PRKG1: variants seen among roughly 807,000 people sequenced by gnomAD.
The protein encoded by PRKG1 is cGMP-dependent protein kinase 1.
In PRKG1, 35 loss-of-function variants were observed where a neutral mutation model predicts 88.1. The ratio of observed to expected loss-of-function variants is 0.40; its 90% CI spans 0.30 to 0.53. PRKG1 has a LOEUF of 0.53. Ranked by LOEUF, PRKG1 falls within the 20% of genes least tolerant of loss-of-function variation. PRKG1 has a pLI of 0.59. For synonymous variants in PRKG1, 303 were observed against 292.5 expected (o/e 1.04, Z -0.37); for missense variants, 540 against 839.8 (o/e 0.64, Z 4.41).
chr10:51,060,022 A>G (rs1339667987), intron 1 of PRKG1, among the ~76,000 whole-genome samples: 1 of 152,108 alleles, frequency 6.6e-6, no homozygotes, highest in African/African-American at 2.4e-5. Context: ...TAGAATTATA[A>G]TTACTTTCAG....
intron 3 of PRKG1, among the ~76,000 whole-genome samples, chr10:51,691,586 G>A (rs1362584126): frequency 6.6e-6 from 1 of 152,180 alleles, no homozygotes; most frequent in Non-Finnish European, 1.5e-5. Context: ...AAACAGCTGG[G>A]ATTGCAGGCG....
chr10:51,821,676 T>C (rs188839185), intron 4 of PRKG1, among the ~76,000 whole-genome samples: 129 of 152,214 alleles, frequency 8.5e-4, no homozygotes, highest in African/African-American at 2.8e-3. Flanking sequence ...TTGACCTGTA[T>C]TGACCTATAT....
At chr10:52,008,795 C>T (rs72801483) in intron 5 of PRKG1, among the ~76,000 whole-genome samples, 4 of 152,164 alleles carry the variant, frequency 2.6e-5, no homozygotes, top group Non-Finnish European at 5.9e-5. Context: ...AAAATACTAG[C>T]AAAATGAATC....
intron 3 of PRKG1, among the ~76,000 whole-genome samples, chr10:51,743,457 C>A (rs565761427): frequency 4.6e-5 from 7 of 151,632 alleles, no homozygotes; most frequent in South Asian, 2.1e-4. Flanking sequence ...ATGTGATAAT[C>A]CCCAGGAGGA....
intron 5 of PRKG1, among the ~76,000 whole-genome samples, chr10:52,032,425 C>A (rs1845495808): frequency 6.6e-6 from 1 of 152,110 alleles, no homozygotes; most frequent in Non-Finnish European, 1.5e-5. Context: ...ATAATAAATA[C>A]CTCAGAGAAT....
intron 4 of PRKG1, among the ~76,000 whole-genome samples, chr10:51,812,145 C>T (rs1402781187): frequency 3.3e-5 from 5 of 152,118 alleles, no homozygotes; most frequent in African/African-American, 1.2e-4. Flanking sequence ...GGAACCATTA[C>T]AATCAACACA....
rs555034476 is a variant in PRKG1, at chr10:51,745,003, T to C, written c.593-59582T>C. On this transcript the variant is annotated intron_variant, in intron 3 of 17. Coordinates refer to ENST00000373980, the MANE Select transcript of PRKG1 (RefSeq NM_006258.4). ...TTATAGTAAAGTAGACTTTTATTAG[T>C]CCATCTTAATATAGACCTGATTAAC... Among the ~76,000 whole-genome samples, 3 of 152,346 alleles carry C rather than the reference T, an allele frequency of 2.0e-5. No individual in the cohort carries two copies. In the South Asian group the frequency reaches 6.2e-4, roughly 32 times the overall value.
intron 1 of PRKG1, among the ~76,000 whole-genome samples, chr10:51,054,659 G>A (rs933608084): frequency 2.6e-5 from 4 of 152,118 alleles, no homozygotes; most frequent in African/African-American, 9.7e-5. Flanking sequence ...GGTGTGCATA[G>A]AACAGATTTT....
chr10:51,640,616 G>GA (rs1045782593), intron 3 of PRKG1, among the ~76,000 whole-genome samples: 2 of 151,950 alleles, frequency 1.3e-5, no homozygotes, highest in South Asian at 2.1e-4. Flanking sequence ...GATGCTTCCA[G>GA]AAAAAAAATT....
intron 9 of PRKG1, among the ~76,000 whole-genome samples, chr10:52,180,877 C>T (rs1383656773): frequency 2.6e-5 from 4 of 152,052 alleles, no homozygotes; most frequent in Non-Finnish European, 4.4e-5. Context: ...TGGGGGCATG[C>T]CAGCCAGGTG....
intron 4 of PRKG1, among the ~76,000 whole-genome samples, chr10:51,884,938 T>C (rs765370074): frequency 6.6e-6 from 1 of 152,150 alleles, no homozygotes; most frequent in Non-Finnish European, 1.5e-5. Flanking sequence ...ACCATGGAGA[T>C]ATCAGTTTAC....
chr10:52,007,362 T>A (rs1210679611), intron 5 of PRKG1, among the ~76,000 whole-genome samples: 2 of 148,746 alleles, frequency 1.3e-5, no homozygotes, highest in Non-Finnish European at 3.0e-5. Context: ...GACCAAATGT[T>A]ATGCTGTCTT....
In PRKG1 at chr10:52,068,234, TACTTG is replaced by T. The variant is rs1330391445; in HGVS notation, c.935+5610_935+5614del. ...AAAAAAAAAAAAAAAAAAAGATCCC[TACTTG>T]ACTTGAAACCATATGGAATACATAT... On this transcript the variant is annotated intron_variant, in intron 7 of 17. Coordinates refer to ENST00000373980, the MANE Select transcript of PRKG1 (RefSeq NM_006258.4). 7.0e-5 allele frequency among the ~76,000 whole-genome samples: 10 copies of T among 142,108 alleles called. 1 individual carries two copies. Among genetic ancestry groups the T allele is most frequent in the Non-Finnish European group, 1.4e-4 (9 of 65,290 alleles). The allele number at this position is 142,108 out of a possible 152,430, so 93.2% of individuals were successfully genotyped here.
At chr10:51,180,001 T>C (rs531121464) in intron 2 of PRKG1, among the ~76,000 whole-genome samples, 1 of 152,356 alleles carries the variant, frequency 6.6e-6, no homozygotes, top group East Asian at 1.9e-4. Context: ...TTATTTTGTT[T>C]CATTCCTCTG....
At chr10:52,174,375 T>C (rs1838797756) in intron 9 of PRKG1, among the ~76,000 whole-genome samples, 1 of 151,880 alleles carries the variant, frequency 6.6e-6, no homozygotes, top group African/African-American at 2.4e-5. Flanking sequence ...TATCAGCTTC[T>C]TTCTTCAGGA....
intron 5 of PRKG1, among the ~76,000 whole-genome samples, chr10:51,941,125 T>A (rs12246497): frequency 0.029 from 4,220 of 148,016 alleles, 249 homozygotes; most frequent in African/African-American, 0.098. Flanking sequence ...ACAGAGCATC[T>A]TAGAATCAGT....
At chr10:52,069,572 G>T (rs764601071) in intron 7 of PRKG1, among the ~76,000 whole-genome samples, 1 of 152,014 alleles carries the variant, frequency 6.6e-6, no homozygotes, top group Non-Finnish European at 1.5e-5. Context: ...TTATAGTACA[G>T]AAATTAAGTA....
rs376337693 is a variant in PRKG1 at position 51,290,437 on chromosome 10, C to T, written c.478+137107C>T. On this transcript the variant is annotated intron_variant, in intron 2 of 17. Transcript: ENST00000373980. Reference sequence around the variant, plus strand: ...CCAGGATTTCCAAAAATATATATCACTATGATATATCAATTTTTTATTCTA... The same window carrying T: ...CCAGGATTTCCAAAAATATATATCATTATGATATATCAATTTTTTATTCTA... Among the ~76,000 whole-genome samples, 3 of 152,204 alleles carry T rather than the reference C, an allele frequency of 2.0e-5. No individual in the cohort carries two copies. The East Asian group carries it at 5.8e-4, about 29-fold the overall frequency.
rs72797350 is a variant in PRKG1 at position 51,683,695 on chromosome 10, G to C, written c.593-120890G>C. ...CACGGCTTGATCTGATTGGAACCTG[G>C]ACCCTGCCATGCAGTGTTCACTTCT... is the stretch of plus-strand genomic sequence containing the variant. On this transcript the variant is annotated intron_variant, in intron 3 of 17. Transcript: ENST00000373980. 6.5e-3 allele frequency among the ~76,000 whole-genome samples: 996 copies of C among 152,238 alleles called. 7 individuals carry two copies. Among genetic ancestry groups the C allele is most frequent in the Middle Eastern group, 0.017 (5 of 294 alleles).
Sources: allele counts gnomAD v4.1 joint callset (sites outside exome capture counted in the v4.1 genomes callset), GRCh38; gene constraint gnomAD v4.1.1; transcripts MANE v1.5; gene names NCBI Gene and HGNC (gene_info 2026-07-23, HGNC 2026-07-21).